WWOX: variants seen among roughly 807,000 people sequenced by gnomAD.
WWOX encodes WW domain containing oxidoreductase.
In WWOX, 69 loss-of-function variants were observed where a neutral mutation model predicts 46.2. That is an observed-to-expected ratio of 1.49 (90% CI 1.23 to 1.82). The LOEUF is 1.82. Ranked by LOEUF, WWOX falls within the 40% of genes most tolerant of loss-of-function variation. The pLI is 0.00. For missense variants in WWOX, 919 were observed against 542.6 expected (o/e 1.69, Z -6.89); for synonymous variants, 359 against 202.6 (o/e 1.77, Z -6.56).
At chr16:78,233,590 G>A (rs1055642192) in intron 5 of WWOX, among the ~76,000 whole-genome samples, 26 of 144,780 alleles carry the variant, frequency 1.8e-4, no homozygotes, top group African/African-American at 6.2e-4. Flanking sequence ...GCACTATCGC[G>A]ATCTCGGCTC....
At chr16:78,442,014 A>G (rs1023238292) in intron 8 of WWOX, among the ~76,000 whole-genome samples, 3 of 151,238 alleles carry the variant, frequency 2.0e-5, no homozygotes, top group African/African-American at 4.9e-5. Context: ...GCTCTTGCCT[A>G]TAATCCTAAC....
intron 8 of WWOX, among the ~76,000 whole-genome samples, chr16:78,628,381 T>A (rs772714211): frequency 6.6e-6 from 1 of 152,160 alleles, no homozygotes; most frequent in Non-Finnish European, 1.5e-5. Context: ...AAGCCCCGTG[T>A]GGCCATTCTG....
At chr16:78,247,399 T>C (rs897037513) in intron 5 of WWOX, among the ~76,000 whole-genome samples, 1 of 152,110 alleles carries the variant, frequency 6.6e-6, no homozygotes, top group African/African-American at 2.4e-5. Context: ...CACCTTTCTT[T>C]TTTTTGCCAT....
chr16:78,993,086 G>C (rs2046920064), intron 8 of WWOX, among the ~76,000 whole-genome samples: 1 of 151,904 alleles, frequency 6.6e-6, no homozygotes, highest in Non-Finnish European at 1.5e-5. Flanking sequence ...CTTTCGGGGA[G>C]GAAATTTAAC....
At chr16:79,050,012 A>C (rs1442632443) in intron 8 of WWOX, among the ~76,000 whole-genome samples, 3 of 152,104 alleles carry the variant, frequency 2.0e-5, no homozygotes, top group Admixed American at 6.5e-5. Flanking sequence ...ATTGCAGAGT[A>C]TGGGGCACCC....
chr16:78,255,716 T>C lies in WWOX; in HGVS notation c.516+91427T>C, dbSNP rs1459734095. ...TCCCAAGAACAGTCAATAATAATAA[T>C]ACCCATCATTTATTGAACATCCACA... On this transcript the variant is annotated intron_variant, in intron 5 of 8. Transcript: ENST00000566780. 2.6e-5 allele frequency among the ~76,000 whole-genome samples: 4 copies of C among 152,144 alleles called. No individual in the cohort carries two copies. The East Asian group carries it at 7.7e-4, about 29-fold the overall frequency.
intron 8 of WWOX, among the ~76,000 whole-genome samples, chr16:79,164,382 TAAG>T (rs969171660): frequency 1.2e-4 from 18 of 152,174 alleles, no homozygotes; most frequent in African/African-American, 4.3e-4. Context: ...AATTTTATAA[TAAG>T]AAGCCATTTT....
chr16:78,665,013 C>T (rs931804552), intron 8 of WWOX, among the ~76,000 whole-genome samples: 6 of 152,192 alleles, frequency 3.9e-5, no homozygotes, highest in African/African-American at 1.4e-4. Context: ...TTCTGTGCAG[C>T]GGCTGCATTC....
At position 78,178,239 on chromosome 16, in the gene WWOX, C is replaced by T. The variant is rs570489544; in HGVS notation, c.516+13950C>T. Among the ~76,000 whole-genome samples the T allele has an allele frequency of 3.3e-4, 51 of 152,314 alleles. 1 individual carries two copies. The highest frequency in any genetic ancestry group is 1.0e-3 in the African/African-American group (43 of 41,564). ...GCAGATTCAAACCTCACTGGTCCCC[C>T]GTCCCAGCACTTCTGTGCTGTCTGC... is the stretch of plus-strand genomic sequence containing the variant. On this transcript the variant is annotated intron_variant, in intron 5 of 8. Coordinates refer to ENST00000566780, the MANE Select transcript of WWOX (RefSeq NM_016373.4).
intron 8 of WWOX, among the ~76,000 whole-genome samples, chr16:79,183,546 T>C (rs1335383246): frequency 6.6e-6 from 1 of 152,228 alleles, no homozygotes; most frequent in Non-Finnish European, 1.5e-5. Context: ...ATCATTGTGC[T>C]AATTTACTGT....
At chr16:79,136,473 C>T (rs939441244) in intron 8 of WWOX, among the ~76,000 whole-genome samples, 1 of 152,168 alleles carries the variant, frequency 6.6e-6, no homozygotes, top group Admixed American at 6.5e-5. Flanking sequence ...TCATGATCCA[C>T]CCGCCTCGGC....
intron 5 of WWOX, among the ~76,000 whole-genome samples, chr16:78,221,004 T>G (rs1199240693): frequency 2.0e-5 from 3 of 152,234 alleles, no homozygotes; most frequent in Non-Finnish European, 4.4e-5. Flanking sequence ...TTTTAAAATT[T>G]CATTTTCTCT....
At chr16:78,124,262 C>T (rs189734212) in intron 4 of WWOX, 2 of 151,946 alleles carry the variant, frequency 1.3e-5, no homozygotes, top group African/African-American at 2.4e-5. Flanking sequence ...AGCTATTTCA[C>T]CAGAGTAAAG....
chr16:78,576,276 C>T (rs2044877752), intron 8 of WWOX, among the ~76,000 whole-genome samples: 2 of 152,176 alleles, frequency 1.3e-5, no homozygotes, highest in South Asian at 4.1e-4. Context: ...ACAAATAATG[C>T]ATCTGTGATT....
chr16:79,054,938 A>C (rs1567518246), intron 8 of WWOX, among the ~76,000 whole-genome samples: 2 of 152,242 alleles, frequency 1.3e-5, no homozygotes, highest in Non-Finnish European at 2.9e-5. Context: ...AGCAAATACC[A>C]AGTGAGATTT....
chr16:78,608,409 C>G (rs1275257782), intron 8 of WWOX, among the ~76,000 whole-genome samples: 1 of 152,222 alleles, frequency 6.6e-6, no homozygotes, highest in African/African-American at 2.4e-5. Context: ...TGCTACATAA[C>G]TGTCTCCTTA....
At chr16:78,745,627 C>T (rs1209448309) in intron 8 of WWOX, among the ~76,000 whole-genome samples, 2 of 137,466 alleles carry the variant, frequency 1.5e-5, no homozygotes, top group South Asian at 2.4e-4. Context: ...AAACATAAAA[C>T]GTTCATTGAA....
At chr16:79,143,016 T>A (rs1483417030) in intron 8 of WWOX, among the ~76,000 whole-genome samples, 1 of 152,186 alleles carries the variant, frequency 6.6e-6, no homozygotes, top group Non-Finnish European at 1.5e-5. Flanking sequence ...TTATCTGTTT[T>A]TTAAATAGCA....
chr16:78,193,997 C>A (rs2035967592), intron 5 of WWOX, among the ~76,000 whole-genome samples: 1 of 151,624 alleles, frequency 6.6e-6, no homozygotes, highest in Admixed American at 6.6e-5. Flanking sequence ...CTTGCCTCAG[C>A]CTCCCAAGTA....
Sources: allele counts gnomAD v4.1 joint callset (sites outside exome capture counted in the v4.1 genomes callset), GRCh38; gene constraint gnomAD v4.1.1; transcripts MANE v1.5; gene names NCBI Gene and HGNC (gene_info 2026-07-23, HGNC 2026-07-21).